SDHAF3: variants seen among roughly 807,000 people sequenced by gnomAD.
SDHAF3 encodes the protein succinate dehydrogenase assembly factor 3, mitochondrial.
Under a neutral mutation model 11.5 loss-of-function variants are expected in SDHAF3, and 18 were observed. The ratio of observed to expected loss-of-function variants is 1.56; its 90% CI spans 1.08 to 2.32. The LOEUF is 2.32. Among genes scored for constraint, SDHAF3 ranks in the 30% most tolerant of loss-of-function variants. The pLI is 0.00. For missense variants in SDHAF3, 200 were observed against 154.4 expected (o/e 1.30, Z -1.57); for synonymous variants, 72 against 59.3 (o/e 1.21, Z -0.99).
chr7:97,153,399 T>C (rs1389792513), intron 1 of SDHAF3, among the ~76,000 whole-genome samples: 1 of 152,238 alleles, frequency 6.6e-6, no homozygotes, highest in East Asian at 1.9e-4. Context: ...TCTTTTTAGC[T>C]CTGATAAATA....
chr7:97,122,006 C>T (rs1373655750), intron 1 of SDHAF3, among the ~76,000 whole-genome samples: 1 of 152,020 alleles, frequency 6.6e-6, no homozygotes, highest in Non-Finnish European at 1.5e-5. Flanking sequence ...TACAGGCGCC[C>T]ACCACTGCGC....
At chr7:97,120,002 C>G (rs1791467303) in intron 1 of SDHAF3, among the ~76,000 whole-genome samples, 1 of 152,146 alleles carries the variant, frequency 6.6e-6, no homozygotes, top group South Asian at 2.1e-4. Context: ...CACGTGGTGT[C>G]TCTACTGTAA....
rs188978389 is a variant in SDHAF3 at position 97,123,918 on chromosome 7, T to C, written c.174+6021T>C. 3.3e-5 allele frequency among the ~76,000 whole-genome samples: 5 copies of C among 152,088 alleles called. No individual in the cohort carries two copies. The East Asian group carries it at 7.7e-4, about 24-fold the overall frequency. ...AGTAGCCCTTTGTCAGATGGATAGA[T>C]TGCAAAAATTTTCTCCCGTTCTGTA... On this transcript the variant is annotated intron_variant, in intron 1 of 1. Transcript: ENST00000432641.
At chr7:97,171,311 T>G (rs1348938154) in intron 1 of SDHAF3, among the ~76,000 whole-genome samples, 2 of 152,090 alleles carry the variant, frequency 1.3e-5, no homozygotes, top group East Asian at 3.9e-4. Context: ...TGGCTTTCCT[T>G]TGGTTGTTTA....
chr7:97,179,189 G>A (rs898150197), intron 1 of SDHAF3, among the ~76,000 whole-genome samples: 1 of 152,148 alleles, frequency 6.6e-6, no homozygotes, highest in Non-Finnish European at 1.5e-5. Context: ...TTCTATTGGT[G>A]TTATATATCT....
chr7:97,176,405 T>A (rs1789680260), intron 1 of SDHAF3, among the ~76,000 whole-genome samples: 1 of 152,224 alleles, frequency 6.6e-6, no homozygotes, highest in South Asian at 2.1e-4. Flanking sequence ...CAAAGGATGC[T>A]GTTAGTTAAT....
chr7:97,161,323 T>A (rs139444528), intron 1 of SDHAF3, among the ~76,000 whole-genome samples: 7 of 152,342 alleles, frequency 4.6e-5, no homozygotes, highest in Non-Finnish European at 1.0e-4. Context: ...TACCCCATCA[T>A]AAGTCAGCAA....
At chr7:97,136,387 G>A (rs1030026478) in intron 1 of SDHAF3, 2 of 630,494 alleles carry the variant, frequency 3.2e-6, no homozygotes, top group African/African-American at 1.8e-5. Flanking sequence ...GTTTTAAATA[G>A]GGTATGTCCA....
intron 1 of SDHAF3, among the ~76,000 whole-genome samples, chr7:97,121,593 G>T (rs1003903135): frequency 6.6e-6 from 1 of 152,144 alleles, no homozygotes; most frequent in African/African-American, 2.4e-5. Flanking sequence ...ACACAAAAAT[G>T]AATAATAAAT....
At chr7:97,154,667 T>C (rs941720744) in intron 1 of SDHAF3, among the ~76,000 whole-genome samples, 2 of 151,948 alleles carry the variant, frequency 1.3e-5, no homozygotes, top group Non-Finnish European at 2.9e-5. Flanking sequence ...TTTGGGGTTA[T>C]TCTTTTGGTG....
intron 1 of SDHAF3, among the ~76,000 whole-genome samples, chr7:97,171,843 G>A (rs912957603): frequency 6.6e-6 from 1 of 151,918 alleles, no homozygotes; most frequent in Admixed American, 6.6e-5. Flanking sequence ...GCAAATACTA[G>A]ATATGTGATT....
intron 1 of SDHAF3, among the ~76,000 whole-genome samples, chr7:97,161,318 C>T (rs1366485767): frequency 6.6e-6 from 1 of 152,104 alleles, no homozygotes; most frequent in Non-Finnish European, 1.5e-5. Context: ...GACACTACCC[C>T]ATCATAAGTC....
chr7:97,169,555 T>C (rs1445602213), intron 1 of SDHAF3, among the ~76,000 whole-genome samples: 1 of 152,160 alleles, frequency 6.6e-6, no homozygotes, highest in Non-Finnish European at 1.5e-5. Context: ...TTTTATTTTC[T>C]CAATAAATTG....
Position 97,132,557 on chromosome 7 carries a change from TTAAA to T in SDHAF3, c.174+14663_174+14666del, listed in dbSNP as rs1183428326. Among the ~76,000 whole-genome samples the T allele has an allele frequency of 2.6e-5, 4 of 152,200 alleles. No individual in the cohort carries two copies. In the East Asian group the frequency reaches 7.7e-4, roughly 29 times the overall value. ...ATGTTTAATTTCTTACAGATCATAC[TTAAA>T]TATTCAATGATTTTCCACTAAATTT... On this transcript the variant is annotated intron_variant, in intron 1 of 1. Coordinates refer to ENST00000432641, the MANE Select transcript of SDHAF3 (RefSeq NM_020186.3).
At chr7:97,175,185 T>A (rs1322210527) in intron 1 of SDHAF3, among the ~76,000 whole-genome samples, 1 of 152,228 alleles carries the variant, frequency 6.6e-6, no homozygotes, top group African/African-American at 2.4e-5. Context: ...AAAACATCTG[T>A]ATAATAGATA....
At chr7:97,134,914 AG>A in intron 1 of SDHAF3, 1 of 152,292 alleles carries the variant, frequency 6.6e-6, no homozygotes, top group East Asian at 1.9e-4. Flanking sequence ...AAATCTAGTA[AG>A]GGCAGAGACA....
intron 1 of SDHAF3, among the ~76,000 whole-genome samples, chr7:97,127,295 G>A (rs375505503): frequency 1.6e-4 from 25 of 152,308 alleles, no homozygotes; most frequent in African/African-American, 5.8e-4. Flanking sequence ...TTCTCTTCAA[G>A]TAAAGGCAAT....
chr7:97,126,860 A>C (rs577656324), intron 1 of SDHAF3, among the ~76,000 whole-genome samples: 24 of 151,604 alleles, frequency 1.6e-4, no homozygotes, highest in Non-Finnish European at 2.5e-4. Context: ...AAAAAAAAAA[A>C]AACCCTGCAG....
chr7:97,128,269 T>C (rs1791607431), intron 1 of SDHAF3, among the ~76,000 whole-genome samples: 1 of 152,224 alleles, frequency 6.6e-6, no homozygotes, highest in Non-Finnish European at 1.5e-5. Flanking sequence ...CAACATAGAA[T>C]GTTTTCTACT....
Sources: allele counts gnomAD v4.1 joint callset (sites outside exome capture counted in the v4.1 genomes callset), GRCh38; gene constraint gnomAD v4.1.1; transcripts MANE v1.5; gene names NCBI Gene and HGNC (gene_info 2026-07-23, HGNC 2026-07-21).